AATK: variants seen among roughly 807,000 people sequenced by gnomAD.
The protein encoded by AATK is lemur tail kinase 1, also known as serine/threonine-protein kinase LMTK1.
AATK carries 91 observed loss-of-function variants against 114.3 expected under a neutral mutation model. That is an observed-to-expected ratio of 0.80 (90% confidence interval 0.67 to 0.95). The LOEUF (loss-of-function observed/expected upper bound fraction) is 0.95, where lower values mean the gene tolerates loss of function less well. Ranked by LOEUF, AATK falls within the 40% of genes least tolerant of loss-of-function variation. The probability of loss-of-function intolerance (pLI) is 0.00; values close to 1 mark genes in which losing one functional copy is unlikely to be tolerated. For synonymous variants in AATK, 1,075 were observed against 916.5 expected (o/e 1.17, Z -3.12); for missense variants, 2,176 against 1,965.2 (o/e 1.11, Z -2.03).
Position 81,120,758 on chromosome 17 carries a change from G to T in AATK, c.3178C>A (p.Leu1060Met), listed in dbSNP as rs1386569953. 1.3e-6 allele frequency: 2 copies of T among 1,574,520 alleles called. No individual in the cohort carries two copies. Among genetic ancestry groups the T allele is most frequent in the African/African-American group, 2.7e-5 (2 of 74,244 alleles). The change falls in exon 11 of 14, where the codon CTG becomes ATG. Residue 1060 changes from leucine to methionine, a missense_variant. By Grantham distance (15) the Leu-to-Met change is conservative. This residue lies in a region of AATK where 1,701 missense variants were observed against 1,394.7 expected (regional missense o/e 1.22). Transcript: ENST00000326724. Reference sequence around the variant, plus strand: ...TCTGGGGAGGACCCTTCAAGCTGCAGCAGTGGGGGCAGCACCTCCCCGGGG... The same window carrying T: ...TCTGGGGAGGACCCTTCAAGCTGCATCAGTGGGGGCAGCACCTCCCCGGGG... Reference protein sequence around the residue: ...SGPGEVLPPLLQLEGSSPEPS... With the variant: ...SGPGEVLPPLMQLEGSSPEPS...
chr17:81,165,624 CTG>C, intron 1 of AATK: 1 of 1,451,724 alleles, frequency 6.9e-7, no homozygotes, highest in Non-Finnish European at 9.1e-7. Flanking sequence ...GGCCCTTAGT[CTG>C]AGACCAACTC....
intron 1 of AATK, among the ~76,000 whole-genome samples, chr17:81,152,841 TG>T (rs1407611344): frequency 2.1e-5 from 2 of 96,306 alleles, no homozygotes; most frequent in Non-Finnish European, 4.3e-5. Context: ...CCAGCCCTGC[TG>T]AATTTTTTTT....
Position 81,120,617 on chromosome 17 carries a change from G to C in AATK, c.3319C>G (p.Pro1107Ala). ...CSQFFLLTPV[P>A]LRSEGNSSEF... ...GAGCTGTTGCCTTCTGATCTCAGCG[G>C]AACCGGGGTCAGCAGGAAAAACTGG... The change falls in exon 11 of 14, where the codon CCG becomes GCG. Residue 1107 changes from proline (P) to alanine (A), a missense_variant. Physicochemically the swap from Pro to Ala is conservative, Grantham distance 27 (BLOSUM62 -1). This residue lies in a region of AATK where 1,701 missense variants were observed against 1,394.7 expected (regional missense o/e 1.22). Coordinates refer to ENST00000326724, the MANE Select transcript of AATK (RefSeq NM_001080395.3). 1.3e-6 allele frequency: 2 copies of C among 1,550,410 alleles called. No homozygotes were observed. Among genetic ancestry groups the C allele is most frequent in the Non-Finnish European group, 1.7e-6 (2 of 1,151,110 alleles).
intron 1 of AATK, among the ~76,000 whole-genome samples, chr17:81,149,174 G>A (rs576990104): frequency 3.2e-4 from 49 of 152,178 alleles, no homozygotes; most frequent in South Asian, 1.2e-3. Context: ...TCCATTGTCC[G>A]CAGCCCACCC....
chr17:81,158,787 C>T (rs1268204519), intron 1 of AATK, among the ~76,000 whole-genome samples: 2 of 152,156 alleles, frequency 1.3e-5, no homozygotes, highest in African/African-American at 2.4e-5. Context: ...CTCACGAGCC[C>T]GGGCGTTATA....
intron 1 of AATK, among the ~76,000 whole-genome samples, chr17:81,142,083 G>A (rs1233774237): frequency 6.6e-6 from 1 of 151,762 alleles, no homozygotes; most frequent in Non-Finnish European, 1.5e-5. Flanking sequence ...AGCCCCCCAA[G>A]TAGCTGGGAT....
rs2146280166 is a variant in AATK at position 81,119,468 on chromosome 17, A to C, written c.3996T>G (p.Ala1332=). 2.0e-6 allele frequency: 3 copies of C among 1,475,740 alleles called. No individual in the cohort carries two copies. The highest frequency in any genetic ancestry group is 2.7e-6 in the Non-Finnish European group (3 of 1,111,616). The allele number at this position is 1,475,740 out of a possible 1,614,324, so 91.4% of individuals were successfully genotyped here. ...PAPAAPTPTP[A]PFSRFTVSPA... Reference sequence around the variant, plus strand: ...GCGACACCGTGAAGCGCGAGAAGGGAGCGGGCGTGGGCGTGGGCGCAGCCG... The same window carrying C: ...GCGACACCGTGAAGCGCGAGAAGGGCGCGGGCGTGGGCGTGGGCGCAGCCG... Residue 1332 remains alanine, a synonymous_variant, in exon 13 of 14, where the codon GCT becomes GCG. Coordinates refer to ENST00000326724, the MANE Select transcript of AATK (RefSeq NM_001080395.3).
chr17:81,136,899 CA>C (rs2061018626), intron 1 of AATK, among the ~76,000 whole-genome samples: 1 of 152,176 alleles, frequency 6.6e-6, no homozygotes, highest in South Asian at 2.1e-4. Flanking sequence ...GCAGAAACCA[CA>C]GCGGTTCCCA....
At chr17:81,145,798 C>T (rs958301648) in intron 1 of AATK, among the ~76,000 whole-genome samples, 19 of 149,688 alleles carry the variant, frequency 1.3e-4, no homozygotes, top group African/African-American at 1.7e-4. Flanking sequence ...CACAGCGAAC[C>T]GAAAAAAGCA....
intron 1 of AATK, among the ~76,000 whole-genome samples, chr17:81,163,738 C>T (rs61303212): frequency 0.012 from 1,819 of 152,362 alleles, 33 homozygotes; most frequent in African/African-American, 0.042. Flanking sequence ...ACAGCCTCCA[C>T]TCTCAGGCCC....
chr17:81,131,353 C>T (rs1016039501), intron 2 of AATK, 148 bp from the exon 3 acceptor site: 3 of 1,078,562 alleles, frequency 2.8e-6, no homozygotes, highest in South Asian at 1.7e-5. Flanking sequence ...ACCGCCCCTG[C>T]AGGCCAATGG....
In AATK at chr17:81,119,482, T is replaced by TGGGCGCAGCCGGGGC. The variant is rs1555689886; in HGVS notation, c.3967_3981dup (p.Ala1323_Pro1327dup). On this transcript the variant is annotated inframe_insertion, in exon 13 of 14. Coordinates refer to ENST00000326724, the MANE Select transcript of AATK (RefSeq NM_001080395.3). ...CGCGAGAAGGGAGCGGGCGTGGGCGTGGGCGCAGCCGGGGCGGGTGCGGCC... is the reference window on the plus strand; with the variant it reads ...CGCGAGAAGGGAGCGGGCGTGGGCGTGGGCGCAGCCGGGGCGGGCGCAGCCGGGGCGGGTGCGGCC... 8.6e-6 allele frequency: 13 copies of TGGGCGCAGCCGGGGC among 1,510,922 alleles called. No individual in the cohort carries two copies. Among genetic ancestry groups the TGGGCGCAGCCGGGGC allele is most frequent in the South Asian group, 5.1e-5 (4 of 77,922 alleles). The allele number at this position is 1,510,922 out of a possible 1,614,324, so 93.6% of individuals were successfully genotyped here. A position where few individuals can be genotyped will look rare whatever the true frequency, so the allele number is the denominator to read the frequency against.
At chr17:81,133,174 C>T (rs1478834155) in intron 2 of AATK, 1 of 474,426 alleles carries the variant, frequency 2.1e-6, no homozygotes, top group Admixed American at 2.3e-5. Context: ...CCCAGGCACG[C>T]AGCTCCTCAC....
Position 81,124,778 on chromosome 17 carries a change from T to C in AATK, c.911A>G (p.Glu304Gly). Residue 304 changes from glutamate (E) to glycine (G), a missense_variant, in exon 9 of 14, where the codon GAG becomes GGG. Physicochemically the swap from Glu to Gly is moderately conservative, Grantham distance 98. Coordinates refer to ENST00000326724, the MANE Select transcript of AATK (RefSeq NM_001080395.3). ...LRWIAPELVD[E>G]VHSNLLVVDQ... ...CACGACGAGCAGGTTGCTATGCACC[T>C]CGTCCACCAGCTCTGGCGCGATCCA... 1.9e-6 allele frequency: 3 copies of C among 1,612,868 alleles called. No homozygotes were observed. The highest frequency in any genetic ancestry group is 2.5e-6 in the Non-Finnish European group (3 of 1,179,806).
intron 1 of AATK, among the ~76,000 whole-genome samples, chr17:81,155,402 T>A (rs1171069825): frequency 3.3e-5 from 5 of 152,032 alleles, no homozygotes; most frequent in South Asian, 2.1e-4. Context: ...TATTATTATT[T>A]TTTGAGACGC....
chr17:81,156,392 A>C (rs906366164), intron 1 of AATK, among the ~76,000 whole-genome samples: 7 of 152,010 alleles, frequency 4.6e-5, no homozygotes, highest in Non-Finnish European at 4.4e-5. Flanking sequence ...ATGCAAATAA[A>C]TGTTTTTTGT....
rs1021062474 is a variant in AATK, at chr17:81,122,840, C to G, written c.1113-17G>C. The G allele has an allele frequency of 2.0e-6, 3 of 1,464,696 alleles. No homozygotes were observed. Among genetic ancestry groups the G allele is most frequent in the African/African-American group, 2.9e-5 (2 of 69,222 alleles). 90.7% of individuals were successfully genotyped at this position (1,464,696 alleles called of 1,614,324 possible). ...ACCTCGTACCTGCGAGGAGGTCCCCCGGGGGCCACGTCAGAGGCAACGCTG... is the reference window on the plus strand; with the variant it reads ...ACCTCGTACCTGCGAGGAGGTCCCCGGGGGGCCACGTCAGAGGCAACGCTG... On this transcript the variant is annotated splice_polypyrimidine_tract_variant and intron_variant, in intron 10 of 13. Coordinates refer to ENST00000326724, the MANE Select transcript of AATK (RefSeq NM_001080395.3).
In AATK at chr17:81,127,185, G is replaced by C. The variant is rs557898149; in HGVS notation, c.621+398C>G. ...TTGATGGGCAGGCCCAGAACTCCAG[G>C]CAGCCTGGGGAAGTGGCCAGGCCCA... On this transcript the variant is annotated intron_variant, in intron 6 of 13. Coordinates refer to ENST00000326724, the MANE Select transcript of AATK (RefSeq NM_001080395.3). 7.1e-3 allele frequency among the ~76,000 whole-genome samples: 1,086 copies of C among 152,090 alleles called. 13 individuals carry two copies. The highest frequency in any genetic ancestry group is 0.025 in the African/African-American group (1,035 of 41,438).
In AATK at chr17:81,121,955, C is replaced by T. The variant is rs1465578674; in HGVS notation, c.1981G>A (p.Glu661Lys). 3.8e-6 allele frequency: 6 copies of T among 1,599,658 alleles called. No individual in the cohort carries two copies. The highest frequency in any genetic ancestry group is 1.7e-5 in the Admixed American group (1 of 59,830). ...GCTCCCACCTCCTCTAGCTCATCCT[C>T]GCCAGTCAGCGGCAGCGGGGGCGCC... ...SGAPPLPLTGEDELEEVGARR... is the reference protein window; with the variant it reads ...SGAPPLPLTGKDELEEVGARR... The change falls in exon 11 of 14, where the codon GAG becomes AAG. Residue 661 changes from glutamate (E) to lysine (K), a missense_variant. By Grantham distance (56) the Glu-to-Lys change is moderately conservative. This residue lies in a region of AATK where 1,701 missense variants were observed against 1,394.7 expected (regional missense o/e 1.22). Coordinates refer to ENST00000326724, the MANE Select transcript of AATK (RefSeq NM_001080395.3).
Sources: allele counts gnomAD v4.1 joint callset (sites outside exome capture counted in the v4.1 genomes callset), GRCh38; gene constraint gnomAD v4.1.1; regional missense constraint gnomAD v4.1.1; transcripts MANE v1.5; gene names NCBI Gene and HGNC (gene_info 2026-07-23, HGNC 2026-07-21).